CFAP299: variants seen among roughly 807,000 people sequenced by gnomAD.
The protein encoded by CFAP299 is cilia- and flagella-associated protein 299.
CFAP299 carries 21 observed loss-of-function variants against 27.0 expected under a neutral mutation model. The ratio of observed to expected loss-of-function variants is 0.78; its 90% CI spans 0.55 to 1.12. The LOEUF (loss-of-function observed/expected upper bound fraction) is 1.12, where lower values mean the gene tolerates loss of function less well. Among genes scored for constraint, CFAP299 ranks in the 50% most tolerant of loss-of-function variants. CFAP299 has a pLI of 0.00. For synonymous variants in CFAP299, 104 were observed against 98.1 expected (o/e 1.06, Z -0.36); for missense variants, 310 against 276.6 (o/e 1.12, Z -0.86).
At chr4:80,770,466 G>T (rs1301302102) in intron 3 of CFAP299, among the ~76,000 whole-genome samples, 1 of 152,028 alleles carries the variant, frequency 6.6e-6, no homozygotes, top group Non-Finnish European at 1.5e-5. Flanking sequence ...AAAAAATTTT[G>T]CTAAGCATTC....
intron 2 of CFAP299, among the ~76,000 whole-genome samples, chr4:80,395,645 C>A (rs1725739171): frequency 6.6e-6 from 1 of 152,004 alleles, no homozygotes; most frequent in Admixed American, 6.6e-5. Flanking sequence ...TTAATGAGTC[C>A]TAACTTGATT....
Position 80,390,686 on chromosome 4 carries a change from CAT to C in CFAP299, c.242+27807_242+27808del, listed in dbSNP as rs1491093619. 1.1e-3 allele frequency among the ~76,000 whole-genome samples: 151 copies of C among 139,546 alleles called. 3 individuals carry two copies. Among genetic ancestry groups the C allele is most frequent in the Non-Finnish European group, 9.1e-4 (59 of 65,162 alleles). 91.5% of individuals were successfully genotyped at this position (139,546 alleles called of 152,430 possible). A position where few individuals can be genotyped will look rare whatever the true frequency, so the allele number is the denominator to read the frequency against. ...GTATATATGTATACATGTATACACA[CAT>C]ATATGTGTATATATGTATATATGTA... On this transcript the variant is annotated intron_variant, in intron 2 of 5. Coordinates refer to ENST00000358105, the MANE Select transcript of CFAP299 (RefSeq NM_152770.3).
At chr4:80,602,717 C>T (rs941520228) in intron 3 of CFAP299, among the ~76,000 whole-genome samples, 1 of 152,028 alleles carries the variant, frequency 6.6e-6, no homozygotes, top group African/African-American at 2.4e-5. Context: ...GAAGGACAGC[C>T]TCTGGGGCCC....
intron 3 of CFAP299, among the ~76,000 whole-genome samples, chr4:80,701,826 A>G (rs1721501856): frequency 6.6e-6 from 1 of 152,036 alleles, no homozygotes; most frequent in African/African-American, 2.4e-5. Flanking sequence ...CAAATGAAAT[A>G]GAATGATTAT....
intron 3 of CFAP299, among the ~76,000 whole-genome samples, chr4:80,752,037 C>T (rs1724960689): frequency 6.6e-6 from 1 of 152,158 alleles, no homozygotes; most frequent in Admixed American, 6.5e-5. Flanking sequence ...ACCCAATGCC[C>T]TGGTGGCATG....
intron 2 of CFAP299, among the ~76,000 whole-genome samples, chr4:80,538,143 G>A (rs1189574401): frequency 6.6e-6 from 1 of 151,928 alleles, no homozygotes; most frequent in African/African-American, 2.4e-5. Flanking sequence ...CATTACTCAG[G>A]TGTCTGTAAG....
intron 3 of CFAP299, among the ~76,000 whole-genome samples, chr4:80,798,770 T>A (rs1397366405): frequency 1.3e-5 from 2 of 152,064 alleles, no homozygotes; most frequent in Non-Finnish European, 2.9e-5. Flanking sequence ...TTATATTCCT[T>A]GATTCTTCAC....
chr4:80,848,351 G>A (rs1731298391), intron 3 of CFAP299, among the ~76,000 whole-genome samples: 1 of 152,098 alleles, frequency 6.6e-6, no homozygotes, highest in African/African-American at 2.4e-5. Context: ...TGTGATGTTA[G>A]GCAATTTCAT....
intron 3 of CFAP299, among the ~76,000 whole-genome samples, chr4:80,869,139 A>G (rs192531081): frequency 6.6e-6 from 1 of 152,232 alleles, no homozygotes; most frequent in Admixed American, 6.5e-5. Flanking sequence ...ATTTGTTTAT[A>G]ATTTGTGCTG....
At chr4:80,681,315 G>A (rs1426982788) in intron 3 of CFAP299, among the ~76,000 whole-genome samples, 1 of 152,030 alleles carries the variant, frequency 6.6e-6, no homozygotes, top group Non-Finnish European at 1.5e-5. Flanking sequence ...CATCCATTAG[G>A]AGATTGATGA....
intron 2 of CFAP299, among the ~76,000 whole-genome samples, chr4:80,506,927 CAGTTCTATGAACTAA>C (rs1364457180): frequency 6.6e-6 from 1 of 152,118 alleles, no homozygotes; most frequent in East Asian, 1.9e-4. Flanking sequence ...GTCATTAATT[CAGTTCTATGAACTAA>C]AGTCTATCTA....
intron 3 of CFAP299, among the ~76,000 whole-genome samples, chr4:80,754,612 G>C (rs1158393513): frequency 1.3e-5 from 2 of 151,944 alleles, no homozygotes; most frequent in African/African-American, 4.8e-5. Flanking sequence ...ATTTTTGGAG[G>C]CTTTCTCATG....
rs192895816 is a variant in CFAP299, at chr4:80,710,435, T to G, written c.333+127252T>G. On this transcript the variant is annotated intron_variant, in intron 3 of 5. Coordinates refer to ENST00000358105, the MANE Select transcript of CFAP299 (RefSeq NM_152770.3). ...CTCTGCCACTAAATGTTTGGGTGAT[T>G]AGGACAAGTAACAAGTCTCTCATAA... 1.8e-3 allele frequency among the ~76,000 whole-genome samples: 268 copies of G among 151,348 alleles called. 3 individuals carry two copies. The highest frequency in any genetic ancestry group is 5.9e-3 in the African/African-American group (244 of 41,276).
At position 80,944,887 on chromosome 4, in the gene CFAP299, G is replaced by T. The variant is rs1480879707; in HGVS notation, c.554G>T (p.Gly185Val). The change falls in exon 5 of 6, where the codon GGC becomes GTC. Residue 185 changes from glycine (G) to valine (V), a missense_variant. Transcript: ENST00000358105. Reference protein sequence around the residue: ...NYQVIADNPEGLLFRYKRDRK... With the variant: ...NYQVIADNPEVLLFRYKRDRK... ...CAAGTGATTGCCGATAATCCAGAAG[G>T]CTTACTTTTCAGATACAAAAGAGAC... The T allele has an allele frequency of 4.3e-6, 7 of 1,612,664 alleles. No individual in the cohort carries two copies. The highest frequency in any genetic ancestry group is 5.9e-6 in the Non-Finnish European group (7 of 1,179,124).
chr4:80,883,224 T>C (rs1733799936), intron 4 of CFAP299, among the ~76,000 whole-genome samples: 1 of 152,022 alleles, frequency 6.6e-6, no homozygotes, highest in African/African-American at 2.4e-5. Context: ...CATGTGAAAA[T>C]GGACTGTTAT....
At chr4:80,774,364 T>A (rs1726400868) in intron 3 of CFAP299, among the ~76,000 whole-genome samples, 1 of 151,920 alleles carries the variant, frequency 6.6e-6, no homozygotes, top group South Asian at 2.1e-4. Context: ...TAAAACAAAG[T>A]CACATATAAA....
At chr4:80,723,913 AAT>A (rs1350783371) in intron 3 of CFAP299, among the ~76,000 whole-genome samples, 1 of 152,080 alleles carries the variant, frequency 6.6e-6, no homozygotes, top group Non-Finnish European at 1.5e-5. Flanking sequence ...AATTTAATCA[AAT>A]AAACAGTTTC....
chr4:80,699,987 A>G (rs1036835629), intron 3 of CFAP299, among the ~76,000 whole-genome samples: 4 of 152,184 alleles, frequency 2.6e-5, no homozygotes, highest in African/African-American at 4.8e-5. Flanking sequence ...AAAGAGTATA[A>G]CCATCATATA....
chr4:80,696,014 A>T (rs1300205742), intron 3 of CFAP299, among the ~76,000 whole-genome samples: 1 of 152,074 alleles, frequency 6.6e-6, no homozygotes, highest in Non-Finnish European at 1.5e-5. Context: ...TTAAAAGAGA[A>T]GTAGAGGCCG....
Sources: gnomAD v4.1 joint callset for allele counts (sites outside exome capture counted in the v4.1 genomes callset) on GRCh38, gnomAD v4.1.1 for gene constraint, MANE v1.5 for transcripts, NCBI Gene and HGNC (gene_info 2026-07-23, HGNC 2026-07-21) for gene names.